The following SLC39A11 variants were observed in gnomAD, a reference collection of about 807,000 sequenced individuals.
SLC39A11 encodes zinc transporter ZIP11.
In SLC39A11, 33 loss-of-function variants were observed where a neutral mutation model predicts 36.1. The observed-to-expected ratio is 0.91, with a 90% CI of 0.69 to 1.22. The LOEUF is 1.22. SLC39A11 is among the 50% of genes most tolerant of loss of function. The probability of loss-of-function intolerance (pLI) is 0.00; values close to 1 mark genes in which losing one functional copy is unlikely to be tolerated. For synonymous variants in SLC39A11, 166 were observed against 170.3 expected (o/e 0.97, Z 0.20); for missense variants, 432 against 430.3 (o/e 1.00, Z -0.03).
At chr17:72,882,088 C>T (rs1362603932) in intron 5 of SLC39A11, among the ~76,000 whole-genome samples, 1 of 152,210 alleles carries the variant, frequency 6.6e-6, no homozygotes, top group Non-Finnish European at 1.5e-5. Flanking sequence ...TGTGGTGGCT[C>T]ATACCTGTAA....
At position 72,681,989 on chromosome 17, in the gene SLC39A11, T is replaced by C. The variant is rs183969362; in HGVS notation, c.672-32721A>G. On this transcript the variant is annotated intron_variant, in intron 7 of 9. Transcript: ENST00000255559. ...GCAGGCAAGCGAACGAAGCTTCATC[T>C]GTATTGACAGCCACTCCCCATCACT... 5.0e-3 allele frequency among the ~76,000 whole-genome samples: 757 copies of C among 152,268 alleles called. 11 individuals are homozygous for C. Among genetic ancestry groups the C allele is most frequent in the African/African-American group, 0.017 (719 of 41,540 alleles).
chr17:72,692,231 TC>T (rs2072064980), intron 7 of SLC39A11, among the ~76,000 whole-genome samples: 1 of 152,156 alleles, frequency 6.6e-6, no homozygotes, highest in South Asian at 2.1e-4. Context: ...CAGGATGGTC[TC>T]GATCTCCTGA....
chr17:73,004,627 T>G (rs77337243), intron 4 of SLC39A11, among the ~76,000 whole-genome samples: 2,516 of 152,324 alleles, frequency 0.017, 29 homozygotes, highest in Middle Eastern at 0.031. Flanking sequence ...CACTAGCAAC[T>G]TGCTCAGTGG....
At chr17:72,961,091 CCAAA>C (rs915962645) in intron 4 of SLC39A11, among the ~76,000 whole-genome samples, 1 of 152,186 alleles carries the variant, frequency 6.6e-6, no homozygotes, top group African/African-American at 2.4e-5. Flanking sequence ...TCACAAGCCA[CCAAA>C]CAGAGTGGAC....
intron 4 of SLC39A11, among the ~76,000 whole-genome samples, chr17:73,027,872 C>T (rs1465285625): frequency 2.0e-5 from 3 of 152,188 alleles, no homozygotes; most frequent in Non-Finnish European, 4.4e-5. Context: ...TTCCAGACTT[C>T]CGCATCTCCT....
intron 4 of SLC39A11, among the ~76,000 whole-genome samples, chr17:72,993,870 C>CTG (rs900764743): frequency 1.3e-5 from 2 of 152,152 alleles, no homozygotes; most frequent in Admixed American, 6.5e-5. Flanking sequence ...TATGGTTTGG[C>CTG]TGTGTCCCCC....
intron 5 of SLC39A11, among the ~76,000 whole-genome samples, chr17:72,880,472 T>G (rs927873298): frequency 7.2e-5 from 11 of 151,968 alleles, no homozygotes; most frequent in Admixed American, 7.2e-4. Flanking sequence ...CTTGGGAGAC[T>G]GATGTGTGAG....
chr17:72,862,758 G>A (rs537520770), intron 5 of SLC39A11, among the ~76,000 whole-genome samples: 34 of 152,276 alleles, frequency 2.2e-4, no homozygotes, highest in Non-Finnish European at 4.4e-4. Context: ...CACAGGGCTG[G>A]AAGATGAAGA....
At chr17:72,787,385 G>A (rs1000030653) in intron 6 of SLC39A11, among the ~76,000 whole-genome samples, 1 of 151,100 alleles carries the variant, frequency 6.6e-6, no homozygotes, top group Non-Finnish European at 1.5e-5. Context: ...AGCCTCCCGA[G>A]TAGCTGGGAC....
At chr17:72,964,796 T>A (rs1042755946) in intron 4 of SLC39A11, among the ~76,000 whole-genome samples, 7 of 152,222 alleles carry the variant, frequency 4.6e-5, no homozygotes, top group African/African-American at 1.4e-4. Context: ...TAAAGACACA[T>A]GCACACGTAT....
chr17:73,088,741 C>A lies in SLC39A11; in HGVS notation c.24G>T (p.Val8=), dbSNP rs763241672. MLQGHSS[V]FQALLGTFFT... is the part of the protein sequence containing the mutation. ...AGAAGGTCCCCAGCAAGGCCTGGAA[C>A]ACAGAGCTGTGGCCTTGGAGCATGC... Residue 8 remains valine (V), a synonymous_variant, in exon 2 of 10, where the codon GTG becomes GTT. Coordinates refer to ENST00000255559, the MANE Select transcript of SLC39A11 (RefSeq NM_139177.4). 9 of 1,609,456 alleles carry A rather than the reference C, an allele frequency of 5.6e-6. No individual in the cohort carries two copies. The highest frequency in any genetic ancestry group is 5.0e-5 in the Admixed American group (3 of 59,484).
rs571721566 is a variant in SLC39A11, at chr17:73,063,104, T to C, written c.147+21704A>G. Among the ~76,000 whole-genome samples the C allele has an allele frequency of 1.0e-3, 154 of 152,284 alleles. 1 individual carries two copies. The highest frequency in any genetic ancestry group is 3.6e-3 in the African/African-American group (151 of 41,568). ...AATCTCTAGTGACACAGGAATCCAT[T>C]TGGACAAATTATAAAAGAGTTAAAA... On this transcript the variant is annotated intron_variant, in intron 3 of 9. Coordinates refer to ENST00000255559, the MANE Select transcript of SLC39A11 (RefSeq NM_139177.4).
intron 6 of SLC39A11, among the ~76,000 whole-genome samples, chr17:72,806,588 T>C (rs1017388054): frequency 2.0e-5 from 3 of 152,172 alleles, no homozygotes; most frequent in Non-Finnish European, 2.9e-5. Flanking sequence ...GTATCACTTT[T>C]GCACTTTTTT....
At chr17:72,854,328 G>T (rs1328364828) in intron 5 of SLC39A11, among the ~76,000 whole-genome samples, 1 of 151,432 alleles carries the variant, frequency 6.6e-6, no homozygotes, top group Non-Finnish European at 1.5e-5. Context: ...TGGGGTGGGG[G>T]TGGAGAAAAG....
chr17:73,056,583 C>A (rs1390337640), intron 3 of SLC39A11, among the ~76,000 whole-genome samples: 1 of 152,124 alleles, frequency 6.6e-6, no homozygotes, highest in Non-Finnish European at 1.5e-5. Context: ...GCTGGCAAGT[C>A]ACTGGCAAAA....
chr17:72,652,756 C>T (rs770635846), intron 7 of SLC39A11, among the ~76,000 whole-genome samples: 3 of 152,156 alleles, frequency 2.0e-5, no homozygotes, highest in Non-Finnish European at 2.9e-5. Flanking sequence ...GAGTTTCCAT[C>T]GGCACTCACT....
chr17:72,939,688 G>C (rs1426732221), intron 5 of SLC39A11, among the ~76,000 whole-genome samples: 1 of 152,092 alleles, frequency 6.6e-6, no homozygotes, highest in Non-Finnish European at 1.5e-5. Flanking sequence ...GGAAACGCTG[G>C]GGGCCAAAAG....
At chr17:72,656,795 CAG>C (rs1258856191) in intron 7 of SLC39A11, among the ~76,000 whole-genome samples, 1 of 152,086 alleles carries the variant, frequency 6.6e-6, no homozygotes, top group East Asian at 1.9e-4. Context: ...TTGGGGGAAT[CAG>C]GGTTTATTTT....
intron 6 of SLC39A11, among the ~76,000 whole-genome samples, chr17:72,836,403 C>T (rs8080618): frequency 0.38 from 57,856 of 150,780 alleles, 11,601 homozygotes; most frequent in East Asian, 0.74. Flanking sequence ...TGCAGCGGCA[C>T]GATCTCAGTT....
Sources: allele counts gnomAD v4.1 joint callset (sites outside exome capture counted in the v4.1 genomes callset), GRCh38; gene constraint gnomAD v4.1.1; transcripts MANE v1.5; gene names NCBI Gene and HGNC (gene_info 2026-07-23, HGNC 2026-07-21).